Variants in HS3ST4 observed in about 807,000 individuals in gnomAD.
The protein encoded by HS3ST4 is heparan sulfate-glucosamine 3-sulfotransferase 4, also known as heparan sulfate glucosamine 3-O-sulfotransferase 4.
HS3ST4 carries 17 observed loss-of-function variants against 29.2 expected under a neutral mutation model. The observed-to-expected ratio is 0.58, with a 90% CI of 0.40 to 0.87. The LOEUF (loss-of-function observed/expected upper bound fraction) is 0.87, where lower values mean the gene tolerates loss of function less well. Ranked by LOEUF, HS3ST4 falls within the 40% of genes least tolerant of loss-of-function variation. The probability of loss-of-function intolerance (pLI) is 0.00; values close to 1 mark genes in which losing one functional copy is unlikely to be tolerated. For synonymous variants in HS3ST4, 314 were observed against 285.7 expected, an observed-to-expected ratio of 1.10 and a Z score of -1.00; for missense variants, 627 against 634.5, an observed-to-expected ratio of 0.99 and a Z score of 0.13.
intron 1 of HS3ST4, among the ~76,000 whole-genome samples, chr16:26,053,160 G>A (rs916649462): frequency 1.3e-5 from 2 of 152,176 alleles, no homozygotes; most frequent in Non-Finnish European, 2.9e-5. Context: ...TCTTCCATCT[G>A]CATGTAAATC....
At chr16:25,909,900 G>A (rs1968218757) in intron 1 of HS3ST4, among the ~76,000 whole-genome samples, 1 of 151,822 alleles carries the variant, frequency 6.6e-6, no homozygotes. Flanking sequence ...GAGTCTTGCT[G>A]TATTGCCCAG....
chr16:25,896,484 A>G (rs1968066919), intron 1 of HS3ST4, among the ~76,000 whole-genome samples: 1 of 152,338 alleles, frequency 6.6e-6, no homozygotes, highest in African/African-American at 2.4e-5. Context: ...CTTTTGTTAA[A>G]AAGTTAAAAA....
At position 25,691,966 on chromosome 16, in the gene HS3ST4, C is replaced by G. The variant is rs1175454325; in HGVS notation, c.-452C>G. ...GCGCCCGGCCCCCTCCTCCTCCCCT[C>G]CGCGCCTCTCCTCTCTCCCGGCAGA... On this transcript the variant is annotated 5_prime_UTR_variant, in exon 1 of 2. Coordinates refer to ENST00000331351, the MANE Select transcript of HS3ST4 (RefSeq NM_006040.3). 6.6e-6 allele frequency: 1 copy of G among 151,280 alleles called. No homozygotes were observed. The highest frequency in any genetic ancestry group is 2.0e-4 in the East Asian group (1 of 4,990). 9.4% of individuals were successfully genotyped at this position (151,280 alleles called of 1,614,324 possible).
chr16:26,020,446 C>T (rs1255490865), intron 1 of HS3ST4, among the ~76,000 whole-genome samples: 1 of 152,180 alleles, frequency 6.6e-6, no homozygotes, highest in African/African-American at 2.4e-5. Context: ...ATTCCCACAG[C>T]CAAACGAGAG....
chr16:25,821,591 A>G (rs951741114), intron 1 of HS3ST4, among the ~76,000 whole-genome samples: 2 of 152,056 alleles, frequency 1.3e-5, no homozygotes, highest in Non-Finnish European at 2.9e-5. Flanking sequence ...AAACCTATCA[A>G]TTTTTTCCAT....
intron 1 of HS3ST4, among the ~76,000 whole-genome samples, chr16:25,828,771 C>T (rs115041734): frequency 0.013 from 1,974 of 152,246 alleles, 51 homozygotes; most frequent in African/African-American, 0.045. Context: ...ATTTGCATTT[C>T]TGTTCTTGTG....
At chr16:25,951,000 G>A (rs1968679470) in intron 1 of HS3ST4, among the ~76,000 whole-genome samples, 1 of 152,112 alleles carries the variant, frequency 6.6e-6, no homozygotes, top group Non-Finnish European at 1.5e-5. Flanking sequence ...ACAGCATGTA[G>A]ACTCCCAGCT....
chr16:25,875,474 C>T (rs1967821086), intron 1 of HS3ST4, among the ~76,000 whole-genome samples: 1 of 152,172 alleles, frequency 6.6e-6, no homozygotes, highest in African/African-American at 2.4e-5. Context: ...GATGCACCTA[C>T]ATTCCCTGTG....
At chr16:25,867,303 G>C (rs763492819) in intron 1 of HS3ST4, among the ~76,000 whole-genome samples, 1 of 152,106 alleles carries the variant, frequency 6.6e-6, no homozygotes, top group Non-Finnish European at 1.5e-5. Flanking sequence ...GGCAGGAGGA[G>C]GGTGATGAGG....
At chr16:25,936,741 A>G (rs1567276193) in intron 1 of HS3ST4, among the ~76,000 whole-genome samples, 1 of 152,262 alleles carries the variant, frequency 6.6e-6, no homozygotes, top group Non-Finnish European at 1.5e-5. Flanking sequence ...TGAGGAACTC[A>G]CAGCAACAGA....
At chr16:25,986,444 CA>C (rs1969064393) in intron 1 of HS3ST4, among the ~76,000 whole-genome samples, 1 of 152,144 alleles carries the variant, frequency 6.6e-6, no homozygotes, top group African/African-American at 2.4e-5. Flanking sequence ...AATTTGCCCT[CA>C]ATATCACAAA....
chr16:25,700,352 T>C (rs1007879124), intron 1 of HS3ST4, among the ~76,000 whole-genome samples: 1 of 152,292 alleles, frequency 6.6e-6, no homozygotes, highest in African/African-American at 2.4e-5. Flanking sequence ...CAGAGACATT[T>C]AGGATGCCAG....
chr16:26,012,148 G>T (rs977371374), intron 1 of HS3ST4, among the ~76,000 whole-genome samples: 2 of 152,218 alleles, frequency 1.3e-5, no homozygotes, highest in Non-Finnish European at 2.9e-5. Context: ...AGTCAGCAGG[G>T]TGTGGTTTGC....
chr16:25,991,877 C>T (rs893116398), intron 1 of HS3ST4, among the ~76,000 whole-genome samples: 11 of 151,934 alleles, frequency 7.2e-5, no homozygotes, highest in Admixed American at 2.0e-4. Context: ...AAAAATTAGC[C>T]GGGCGTGGTG....
Position 25,853,650 on chromosome 16 carries a change from C to T in HS3ST4, c.734+160499C>T, listed in dbSNP as rs555199315. 9.2e-5 allele frequency among the ~76,000 whole-genome samples: 14 copies of T among 152,224 alleles called. No individual in the cohort carries two copies. In the South Asian group the frequency reaches 2.3e-3, roughly 25 times the overall value. On this transcript the variant is annotated intron_variant, in intron 1 of 1. Transcript: ENST00000331351. Reference sequence around the variant, plus strand: ...TATGCAATGCTTTTTTCTGCCCTTGCATTTTGTTAATATGATGTATCACAT... The same window carrying T: ...TATGCAATGCTTTTTTCTGCCCTTGTATTTTGTTAATATGATGTATCACAT...
At chr16:26,104,151 T>A (rs1374530494) in intron 1 of HS3ST4, among the ~76,000 whole-genome samples, 1 of 152,188 alleles carries the variant, frequency 6.6e-6, no homozygotes, top group East Asian at 1.9e-4. Flanking sequence ...GTTCAGTTAG[T>A]CTTTCGTAGA....
chr16:26,125,782 G>T (rs1899334864), intron 1 of HS3ST4, among the ~76,000 whole-genome samples: 1 of 152,128 alleles, frequency 6.6e-6, no homozygotes, highest in Non-Finnish European at 1.5e-5. Flanking sequence ...AGGGCCCAAG[G>T]CTTGAGCACT....
intron 1 of HS3ST4, among the ~76,000 whole-genome samples, chr16:25,916,656 C>G (rs1968296044): frequency 6.6e-6 from 1 of 151,364 alleles, no homozygotes; most frequent in African/African-American, 2.4e-5. Flanking sequence ...GCCACCGTGC[C>G]CAGCCTCAAA....
intron 1 of HS3ST4, among the ~76,000 whole-genome samples, chr16:25,849,353 A>G (rs1967495943): frequency 6.6e-6 from 1 of 152,230 alleles, no homozygotes; most frequent in African/African-American, 2.4e-5. Context: ...AACTGTCATC[A>G]TTAAAATCCT....
Sources: allele counts gnomAD v4.1 joint callset (sites outside exome capture counted in the v4.1 genomes callset), GRCh38; gene constraint gnomAD v4.1.1; transcripts MANE v1.5; gene names NCBI Gene and HGNC (gene_info 2026-07-23, HGNC 2026-07-21).